Variants in MUC5B observed in about 807,000 individuals in gnomAD.
The protein encoded by MUC5B is mucin 5B, oligomeric mucus/gel-forming.
Under a neutral mutation model 376.9 loss-of-function variants are expected in MUC5B, and 116 were observed. The observed-to-expected ratio is 0.31, with a 90% CI of 0.26 to 0.36. The LOEUF (loss-of-function observed/expected upper bound fraction) is 0.36. Ranked by LOEUF, MUC5B falls within the 10% of genes least tolerant of loss-of-function variation. The pLI is 1.00. For synonymous variants in MUC5B, 3,517 were observed against 3,390.9 expected, an observed-to-expected ratio of 1.04 and a Z score of -1.29; for missense variants, 7,165 against 7,769.9, an observed-to-expected ratio of 0.92 and a Z score of 2.93.
chr11:1,241,196 G>A lies in MUC5B; in HGVS notation c.4316G>A (p.Gly1439Asp). The stretch of plus-strand genomic sequence containing the variant: ...CCCTGTGGCCCCTCCCCGGCCCCAG[G>A]CACCAGCCCTCAGCCCTCCCTCAGT... ...YVPCGPSPAP[G>D]TSPQPSLSAS... The change falls in exon 31 of 49, where the codon GGC becomes GAC. Residue 1439 changes from glycine to aspartate, a missense_variant. Transcript: ENST00000529681. 1.3e-6 allele frequency: 2 copies of A among 1,595,002 alleles called. No homozygotes were observed. The highest frequency in any genetic ancestry group is 1.7e-6 in the Non-Finnish European group (2 of 1,171,168).
At position 1,246,251 on chromosome 11, in the gene MUC5B, C is replaced by T. The variant is rs369300789; in HGVS notation, c.9371C>T (p.Thr3124Ile). ...ACAAGGGCCACCAGTTCCATGTCCA[C>T]CCCCTCCTCCACTCCGGGGACGACC... ...TTTRATSSMS[T>I]PSSTPGTTWI... The change falls in exon 31 of 49, where the codon ACC becomes ATC. Residue 3124 changes from threonine to isoleucine, a missense_variant. This residue lies in a region of MUC5B where 939 missense variants were observed against 770.6 expected (regional missense o/e 1.22). Coordinates refer to ENST00000529681, the MANE Select transcript of MUC5B (RefSeq NM_002458.3). 2 of 1,612,438 alleles carry T rather than the reference C, an allele frequency of 1.2e-6. No homozygotes were observed. The highest frequency in any genetic ancestry group is 2.7e-5 in the African/African-American group (2 of 74,502).
chr11:1,228,507 C>T (rs1465061878), intron 7 of MUC5B, 57 bp from the exon 8 acceptor site: 3 of 1,441,222 alleles, frequency 2.1e-6, no homozygotes, highest in East Asian at 2.5e-5. Flanking sequence ...TATTCCAGCA[C>T]CGTGGCAGCC....
chr11:1,253,101 C>T lies in MUC5B; in HGVS notation c.15217+121C>T. On this transcript the variant is annotated intron_variant, in intron 33 of 48. Transcript: ENST00000529681. The surrounding 1 kb of genome is among the most constrained non-coding windows in gnomAD (Gnocchi z 4.3). Reference sequence around the variant, plus strand: ...TGGGGTGCAGTGGGGAATGGTGGGGCATGGTGGGGCATGGTGGGGTGCAGT... The same window carrying T: ...TGGGGTGCAGTGGGGAATGGTGGGGTATGGTGGGGCATGGTGGGGTGCAGT... 1.9e-6 allele frequency: 1 copy of T among 532,974 alleles called. No individual in the cohort carries two copies. Among genetic ancestry groups the T allele is most frequent in the Non-Finnish European group, 2.9e-6 (1 of 339,034 alleles). 33.0% of individuals were successfully genotyped at this position (532,974 alleles called of 1,614,324 possible).
rs758515636 is a variant in MUC5B, at chr11:1,235,178, C to T, written c.2724C>T (p.Gly908=). 39 of 1,612,964 alleles carry T rather than the reference C, an allele frequency of 2.4e-5. No homozygotes were observed. The highest frequency in any genetic ancestry group is 2.7e-5 in the African/African-American group (2 of 74,906). Residue 908 remains glycine (G), a synonymous_variant, in exon 22 of 49, where the codon GGC becomes GGT. Transcript: ENST00000529681. ...ATGGCCACTTCATCACCTTTGATGGCGATCGCTACAGCTTTGAAGGCAGCT... is the reference window on the plus strand; with the variant it reads ...ATGGCCACTTCATCACCTTTGATGGTGATCGCTACAGCTTTGAAGGCAGCT... ...YGDGHFITFD[G]DRYSFEGSCE...
chr11:1,230,783 G>C (rs1370473003), intron 12 of MUC5B, among the ~76,000 whole-genome samples, 153 bp from the exon 13 acceptor site: 1 of 151,652 alleles, frequency 6.6e-6, no homozygotes, highest in East Asian at 2.0e-4. Flanking sequence ...GGTCCTCCCG[G>C]GGGGGCAATT....
chr11:1,223,336 C>T (rs948072927), intron 1 of MUC5B, 143 bp downstream of exon 1: 11 of 690,766 alleles, frequency 1.6e-5, no homozygotes, highest in East Asian at 5.5e-5. Flanking sequence ...GGACCCTACC[C>T]GTCCCCAACA....
Position 1,251,443 on chromosome 11 carries a change from G to C in MUC5B, c.14563G>C (p.Ala4855Pro). 1 of 1,612,162 alleles carries C rather than the reference G, an allele frequency of 6.2e-7. No individual in the cohort carries two copies. The highest frequency in any genetic ancestry group is 8.5e-7 in the Non-Finnish European group (1 of 1,178,994). ...TWILTEPSTI[A>P]TVMVPTGSTA... Reference sequence around the variant, plus strand: ...GATCCTCACAGAGCCGAGCACTATAGCCACCGTGATGGTGCCCACCGGTTC... The same window carrying C: ...GATCCTCACAGAGCCGAGCACTATACCCACCGTGATGGTGCCCACCGGTTC... The change falls in exon 31 of 49, where the codon GCC becomes CCC. Residue 4855 changes from alanine to proline, a missense_variant. Ala to Pro is a conservative substitution (Grantham distance 27). Transcript: ENST00000529681.
chr11:1,257,803 AGAG>A lies in MUC5B; in HGVS notation c.16450+97_16450+99del. On this transcript the variant is annotated intron_variant, in intron 41 of 48. Coordinates refer to ENST00000529681, the MANE Select transcript of MUC5B (RefSeq NM_002458.3). The surrounding 1 kb of genome is among the most constrained non-coding windows in gnomAD (Gnocchi z 8.9). ...GCCTGTGGGTTGGGCACAGGAGAGC[AGAG>A]GAGAGCCACTGTGTCCTGGCGTGAC... The A allele has an allele frequency of 7.1e-7, 1 of 1,410,028 alleles. No homozygotes were observed. Among genetic ancestry groups the A allele is most frequent in the South Asian group, 1.4e-5 (1 of 72,382 alleles). 87.3% of individuals were successfully genotyped at this position (1,410,028 alleles called of 1,614,324 possible). A position where few individuals can be genotyped will look rare whatever the true frequency, so the allele number is the denominator to read the frequency against.
rs934376982 is a variant in MUC5B at position 1,247,039 on chromosome 11, C to A, written c.10159C>A (p.Pro3387Thr). The A allele has an allele frequency of 6.4e-7, 1 of 1,553,638 alleles. No individual in the cohort carries two copies. Among genetic ancestry groups the A allele is most frequent in the Non-Finnish European group, 8.7e-7 (1 of 1,148,364 alleles). ...PSSSTQTSGTPPSLTTTATTI... is the reference protein window; with the variant it reads ...PSSSTQTSGTTPSLTTTATTI... ...CTCTAGCACACAGACCAGTGGTACT[C>A]CCCCATCACTGACCACCACGGCCAC... Residue 3387 changes from proline to threonine, a missense_variant, in exon 31 of 49, where the codon CCC (proline) becomes ACC (threonine). Transcript: ENST00000529681.
At chr11:1,230,214 G>A (rs879913443) in intron 11 of MUC5B, 71 bp downstream of exon 11, 6 of 1,516,748 alleles carry the variant, frequency 4.0e-6, no homozygotes, top group Admixed American at 2.1e-5. Context: ...CCACCCAGGG[G>A]AGGCCCCCAC....
intron 2 of MUC5B, among the ~76,000 whole-genome samples, chr11:1,225,986 A>T (rs1362192287): frequency 6.6e-6 from 1 of 152,220 alleles, no homozygotes; most frequent in Non-Finnish European, 1.5e-5. Context: ...CCACACTTAC[A>T]CTGGCACACA....
rs113593046 is a variant in MUC5B at position 1,251,742 on chromosome 11, C to T, written c.14862C>T (p.Pro4954=). The T allele has an allele frequency of 7.7e-5, 121 of 1,578,562 alleles. No individual in the cohort carries two copies. The highest frequency in any genetic ancestry group is 3.1e-4 in the African/African-American group (23 of 74,464). Residue 4954 remains proline, a splice_region_variant and synonymous_variant, in exon 31 of 49, where the codon CCC becomes CCT. Transcript: ENST00000529681. ...GGGCATTTGGACAGTTTTTCTCGCCCGGTGAGTGCATGTGGATAACACTGC... is the reference window on the plus strand; with the variant it reads ...GGGCATTTGGACAGTTTTTCTCGCCTGGTGAGTGCATGTGGATAACACTGC... The part of the protein sequence containing the change: ...FCRAFGQFFS[P]GEVIYNKTDR...
intron 17 of MUC5B, 58 bp downstream of exon 17, chr11:1,232,828 C>A: frequency 6.6e-7 from 1 of 1,518,312 alleles, no homozygotes; most frequent in Non-Finnish European, 8.8e-7. Context: ...GCGGGGGACC[C>A]TGGCCGGCAG....
chr11:1,250,788 G>A lies in MUC5B; in HGVS notation c.13908G>A (p.Thr4636=), dbSNP rs559701109. 15 of 1,612,010 alleles carry A rather than the reference G, an allele frequency of 9.3e-6. No individual in the cohort carries two copies. The African/African-American group carries it at 9.4e-5, about 10-fold the overall frequency. Residue 4636 remains threonine, a synonymous_variant, in exon 31 of 49, where the codon ACG becomes ACA. Transcript: ENST00000529681. ...TTTTPTTSGS[T]VTPSSIPGTT... ...CCACACCCACAACCAGTGGCTCCAC[G>A]GTGACCCCCTCCTCCATCCCGGGGA... is the stretch of plus-strand genomic sequence containing the variant.
At chr11:1,231,905 C>T in intron 14 of MUC5B, 91 bp from the exon 15 acceptor site, 1 of 1,544,204 alleles carries the variant, frequency 6.5e-7, no homozygotes. Flanking sequence ...CCCAGCCGTT[C>T]CACCCTGTGT....
rs762791562 is a variant in MUC5B, at chr11:1,246,924, C to T, written c.10044C>T (p.Thr3348=). ...TTPTTRGSTV[T]PSSIPGTTHT... ...CCACAACCAGAGGCTCCACGGTGAC[C>T]CCCTCCTCCATCCCGGGGACCACCC... The change falls in exon 31 of 49, where the codon ACC becomes ACT. Residue 3348 remains threonine (T), a synonymous_variant. Transcript: ENST00000529681. 115 of 1,610,554 alleles carry T rather than the reference C, an allele frequency of 7.1e-5. No individual in the cohort carries two copies. The South Asian group carries it at 1.2e-3, about 17-fold the overall frequency.
intron 1 of MUC5B, among the ~76,000 whole-genome samples, chr11:1,224,616 G>A (rs1861840629): frequency 6.6e-6 from 1 of 151,626 alleles, no homozygotes; most frequent in East Asian, 1.9e-4. Context: ...TGCGGCGGGA[G>A]CCGGGGCGTG....
At position 1,250,289 on chromosome 11, in the gene MUC5B, C is replaced by G; in HGVS notation, c.13409C>G (p.Ser4470Cys). ...CCCACCGGATCCACGGCCACCGCCT[C>G]CTCCACCCAGGCAACTGCTGGCACC... ...TVPTGSTATA[S>C]STQATAGTPH... Residue 4470 changes from serine to cysteine, a missense_variant, in exon 31 of 49, where the codon TCC becomes TGC. Ser to Cys is a moderately radical substitution (Grantham distance 112). Transcript: ENST00000529681. 6.2e-7 allele frequency: 1 copy of G among 1,613,272 alleles called. No homozygotes were observed. Among genetic ancestry groups the G allele is most frequent in the Non-Finnish European group, 8.5e-7 (1 of 1,179,686 alleles).
In MUC5B at chr11:1,241,524, G is replaced by A. The variant is rs1178171290; in HGVS notation, c.4644G>A (p.Glu1548=). 2 of 1,613,236 alleles carry A rather than the reference G, an allele frequency of 1.2e-6. No homozygotes were observed. The highest frequency in any genetic ancestry group is 1.1e-5 in the South Asian group (1 of 90,982). Residue 1548 remains glutamate (E), a synonymous_variant, in exon 31 of 49, where the codon GAG becomes GAA. Transcript: ENST00000529681. ...GHLCQQPKDI[E]CQAESFPNWT... ...TATGCCAGCAGCCTAAGGACATAGAGTGCCAGGCCGAGAGCTTCCCCAACT... is the reference window on the plus strand; with the variant it reads ...TATGCCAGCAGCCTAAGGACATAGAATGCCAGGCCGAGAGCTTCCCCAACT...
Sources: gnomAD v4.1 joint callset for allele counts (sites outside exome capture counted in the v4.1 genomes callset) on GRCh38, gnomAD v4.1.1 for gene constraint, gnomAD v4.1.1 regional missense constraint, Gnocchi (gnomAD v3.1) non-coding constraint, MANE v1.5 for transcripts, NCBI Gene and HGNC (gene_info 2026-07-23, HGNC 2026-07-21) for gene names.